Variants in DAW1 observed in about 807,000 individuals in gnomAD.
DAW1 encodes dynein assembly factor with WD repeats 1.
A neutral mutation model predicts 56.5 loss-of-function variants in DAW1; 47 were observed. The observed-to-expected ratio is 0.83, with a 90% CI of 0.66 to 1.06. DAW1 has a LOEUF of 1.06. DAW1 is among the 50% of genes least tolerant of loss of function. The probability of loss-of-function intolerance (pLI) is 0.00; values close to 1 mark genes in which losing one functional copy is unlikely to be tolerated. For synonymous variants in DAW1, 190 were observed against 179.0 expected (o/e 1.06, Z -0.49); for missense variants, 505 against 499.3 (o/e 1.01, Z -0.11).
intron 3 of DAW1, 81 bp downstream of exon 3, chr2:227,890,081 A>AT: frequency 2.2e-6 from 3 of 1,379,736 alleles, no homozygotes; most frequent in Non-Finnish European, 2.9e-6. Flanking sequence ...CCCTAAAAAT[A>AT]TTTTTTCATG....
chr2:227,875,785 T>C (rs936750514), intron 1 of DAW1, among the ~76,000 whole-genome samples: 1 of 152,188 alleles, frequency 6.6e-6, no homozygotes, highest in Non-Finnish European at 1.5e-5. Flanking sequence ...GCTTATTCTT[T>C]CCCACGAGAA....
At chr2:227,883,929 T>C (rs1460343521) in intron 1 of DAW1, among the ~76,000 whole-genome samples, 1 of 152,204 alleles carries the variant, frequency 6.6e-6, no homozygotes, top group Non-Finnish European at 1.5e-5. Context: ...CAAAAACTCT[T>C]TGGTGTCCTA....
At chr2:227,887,090 C>G (rs554598935) in intron 2 of DAW1, among the ~76,000 whole-genome samples, 15 of 152,162 alleles carry the variant, frequency 9.9e-5, no homozygotes, top group African/African-American at 3.4e-4. Context: ...TCTGGGAGCA[C>G]GTGTCTAGGG....
At chr2:227,889,256 G>A (rs1721357) in intron 2 of DAW1, among the ~76,000 whole-genome samples, 29,196 of 152,162 alleles carry the variant, frequency 0.19, 3,031 homozygotes, top group Middle Eastern at 0.29. Context: ...ACCTGAAACA[G>A]GGTTATTTGT....
chr2:227,920,373 C>T (rs1472137591), intron 11 of DAW1, among the ~76,000 whole-genome samples: 1 of 152,130 alleles, frequency 6.6e-6, no homozygotes, highest in Non-Finnish European at 1.5e-5. Flanking sequence ...CGGCCCTGCC[C>T]TCCTCAAACC....
chr2:227,910,394 A>G (rs1472827155), intron 10 of DAW1, among the ~76,000 whole-genome samples: 1 of 152,026 alleles, frequency 6.6e-6, no homozygotes, highest in Non-Finnish European at 1.5e-5. Flanking sequence ...ACCTGAGCCC[A>G]GGAGGAGTTC....
chr2:227,896,526 A>G (rs996935994), intron 5 of DAW1, among the ~76,000 whole-genome samples: 4 of 151,208 alleles, frequency 2.6e-5, no homozygotes, highest in African/African-American at 9.7e-5. Context: ...AGTGTTTCTC[A>G]TTGCACTTTG....
chr2:227,894,936 G>A (rs937218294), intron 5 of DAW1, among the ~76,000 whole-genome samples: 1 of 152,196 alleles, frequency 6.6e-6, no homozygotes, highest in East Asian at 1.9e-4. Context: ...AACATAACGT[G>A]TAATTTAACT....
Position 227,885,439 on chromosome 2 carries a change from G to A in DAW1, c.113+16G>A. ...TTGGTCCCAGGTAAGTAAGCTGTAG[G>A]ATTCAACAAATAAATGTTCACTGGG... On this transcript the variant is annotated intron_variant, in intron 2 of 12. Coordinates refer to ENST00000309931, the MANE Select transcript of DAW1 (RefSeq NM_178821.3). The A allele has an allele frequency of 6.3e-7, 1 of 1,583,886 alleles. No homozygotes were observed. Among genetic ancestry groups the A allele is most frequent in the Non-Finnish European group, 8.6e-7 (1 of 1,166,176 alleles).
intron 6 of DAW1, among the ~76,000 whole-genome samples, chr2:227,900,106 T>C (rs1431713740): frequency 2.0e-5 from 3 of 152,242 alleles, no homozygotes; most frequent in Non-Finnish European, 2.9e-5. Flanking sequence ...AGAGGCACTG[T>C]CCTAAGCCCC....
intron 1 of DAW1, among the ~76,000 whole-genome samples, chr2:227,876,701 C>T (rs1690892401): frequency 6.6e-6 from 1 of 152,226 alleles, no homozygotes; most frequent in African/African-American, 2.4e-5. Flanking sequence ...TCCCTACCTA[C>T]ATTCCCAAAG....
intron 10 of DAW1, among the ~76,000 whole-genome samples, chr2:227,908,608 G>T (rs6713891): frequency 0.032 from 4,907 of 152,232 alleles, 275 homozygotes; most frequent in African/African-American, 0.11. Flanking sequence ...TATTTATGAT[G>T]CTACTCTATG....
intron 10 of DAW1, among the ~76,000 whole-genome samples, chr2:227,911,478 C>T (rs1691826760): frequency 6.6e-6 from 1 of 151,026 alleles, no homozygotes; most frequent in Non-Finnish European, 1.5e-5. Context: ...ATATGACATA[C>T]TGTGTGTTTG....
intron 10 of DAW1, chr2:227,912,297 A>T: frequency 9.2e-7 from 1 of 1,083,458 alleles, no homozygotes; most frequent in Non-Finnish European, 1.3e-6. Context: ...CAGTGGCACG[A>T]TCTTGGCTCA....
chr2:227,918,068 C>T (rs1254371553), intron 10 of DAW1, among the ~76,000 whole-genome samples: 1 of 151,978 alleles, frequency 6.6e-6, no homozygotes, highest in Non-Finnish European at 1.5e-5. Flanking sequence ...ATTTATTTAA[C>T]TTATTCATCC....
chr2:227,874,989 G>A (rs57732947), intron 1 of DAW1, among the ~76,000 whole-genome samples: 8,121 of 37,584 alleles, frequency 0.22, 260 homozygotes, highest in Middle Eastern at 0.34. Flanking sequence ...CAAACAAACA[G>A]AAAAACAAAA....
chr2:227,913,056 C>T (rs1351575168), intron 10 of DAW1, among the ~76,000 whole-genome samples: 1 of 152,192 alleles, frequency 6.6e-6, no homozygotes, highest in African/African-American at 2.4e-5. Context: ...TCTCTGTCAT[C>T]TCCTTTACAA....
In DAW1 at chr2:227,871,999, A is replaced by C. The variant is rs191167918; in HGVS notation, c.40+270A>C. 6.0e-4 allele frequency: 320 copies of C among 535,318 alleles called. No individual in the cohort carries two copies. In the East Asian group the frequency reaches 8.3e-3, roughly 14 times the overall value. 33.2% of individuals were successfully genotyped at this position (535,318 alleles called of 1,614,324 possible). A position where few individuals can be genotyped will look rare whatever the true frequency, so the allele number is the denominator to read the frequency against. On this transcript the variant is annotated intron_variant, in intron 1 of 12. Coordinates refer to ENST00000309931, the MANE Select transcript of DAW1 (RefSeq NM_178821.3). ...CATTTATTGAGTGCCTACTGCGTAC[A>C]CGCTTTGTGCTCTCTGCTATGGACC...
chr2:227,877,799 C>T (rs1690914443), intron 1 of DAW1, among the ~76,000 whole-genome samples: 1 of 152,262 alleles, frequency 6.6e-6, no homozygotes, highest in East Asian at 1.9e-4. Flanking sequence ...GGCAGTAATG[C>T]TCACTTGCCC....
Sources: allele counts gnomAD v4.1 joint callset (sites outside exome capture counted in the v4.1 genomes callset), GRCh38; gene constraint gnomAD v4.1.1; transcripts MANE v1.5; gene names NCBI Gene and HGNC (gene_info 2026-07-23, HGNC 2026-07-21).